The following CFAP47 variants were observed in gnomAD, a reference collection of about 807,000 sequenced individuals.
CFAP47 encodes the protein cilia- and flagella-associated protein 47.
Under a neutral mutation model 148.1 loss-of-function variants are expected in CFAP47, and 29 were observed. The ratio of observed to expected loss-of-function variants is 0.20; its 90% confidence interval spans 0.15 to 0.27. CFAP47 has a LOEUF of 0.27. Ranked by LOEUF, CFAP47 falls within the 10% of genes least tolerant of loss-of-function variation. CFAP47 has a pLI of 1.00. For missense variants in CFAP47, 1,872 were observed against 1,697.5 expected (o/e 1.10, Z -1.81); for synonymous variants, 664 against 577.3 (o/e 1.15, Z -2.15).
intron 49 of CFAP47, among the ~76,000 whole-genome samples, chrX:36,279,034 C>T (rs1941049573): frequency 9.0e-6 from 1 of 111,674 alleles, no homozygotes; most frequent in Non-Finnish European, 1.9e-5. Flanking sequence ...CTCACCTCCC[C>T]CCAGAAACAA....
At chrX:35,932,383 C>T (rs1308252492) in intron 2 of CFAP47, among the ~76,000 whole-genome samples, 1 of 106,740 alleles carries the variant, frequency 9.4e-6, no homozygotes, top group Admixed American at 1.0e-4. Flanking sequence ...CCTCAGCCTC[C>T]TGAGTAGCTG....
intron 30 of CFAP47, among the ~76,000 whole-genome samples, chrX:36,092,179 T>A (rs1229061640): frequency 4.5e-5 from 5 of 111,579 alleles, no homozygotes; most frequent in African/African-American, 1.6e-4. Context: ...ATGTATTAAA[T>A]GATATAAATA....
intron 57 of CFAP47, among the ~76,000 whole-genome samples, chrX:36,327,327 A>G (rs1556013258): frequency 8.9e-6 from 1 of 112,551 alleles, no homozygotes; most frequent in Admixed American, 9.4e-5. Flanking sequence ...ACACTTTTCA[A>G]AAGAAGATGT....
chrX:35,977,657 C>T (rs1936589640), intron 15 of CFAP47, among the ~76,000 whole-genome samples: 1 of 111,418 alleles, frequency 9.0e-6, no homozygotes, highest in African/African-American at 3.3e-5. Flanking sequence ...TACTATACTT[C>T]ATATTTCAGA....
intron 25 of CFAP47, among the ~76,000 whole-genome samples, chrX:36,041,996 C>A (rs894014212): frequency 9.2e-6 from 1 of 108,675 alleles, no homozygotes; most frequent in African/African-American, 3.3e-5. Flanking sequence ...TGTTTGTATT[C>A]CAGTATTTCA....
chrX:35,927,585 G>T (rs1271948557), intron 2 of CFAP47, among the ~76,000 whole-genome samples: 1 of 109,278 alleles, frequency 9.2e-6, no homozygotes, highest in Non-Finnish European at 1.9e-5. Context: ...TGATGGACAG[G>T]GTTGAAGGAA....
At chrX:36,153,102 A>T in intron 37 of CFAP47, among the ~76,000 whole-genome samples, 2 of 111,592 alleles carry the variant, frequency 1.8e-5, no homozygotes, top group Middle Eastern at 9.2e-3. Flanking sequence ...TATGGGTGAG[A>T]TTCAAGGTAT....
intron 3 of CFAP47, among the ~76,000 whole-genome samples, chrX:35,944,832 C>T (rs1267870523): frequency 1.8e-5 from 2 of 111,937 alleles, no homozygotes; most frequent in African/African-American, 6.5e-5. Context: ...GACCCCTCAT[C>T]GCAGCTGTAG....
chrX:36,023,057 T>C (rs755142905), intron 22 of CFAP47, among the ~76,000 whole-genome samples: 6 of 111,941 alleles, frequency 5.4e-5, no homozygotes, highest in African/African-American at 1.6e-4. Flanking sequence ...TCAAGAGTTA[T>C]GTAGTTATTG....
At position 36,071,862 on chromosome X, in the gene CFAP47, T is replaced by C; in HGVS notation, c.4356T>C (p.Val1452=). ...ATCTTAAGAAGACTAGAGATGGTGT[T>C]TTGCCTCCCTACCAGGATGCTAAAC... ...DEYLKKTRDG[V]LPPYQDAKPP... Residue 1452 remains valine, a synonymous_variant, in exon 28 of 64, where the codon GTT becomes GTC. Transcript: ENST00000378653. 8.3e-7 allele frequency: 1 copy of C among 1,206,172 alleles called. No individual in the cohort carries two copies. Among genetic ancestry groups the C allele is most frequent in the East Asian group, 3.0e-5 (1 of 33,716 alleles).
At chrX:36,326,821 T>A (rs1356801518) in intron 57 of CFAP47, among the ~76,000 whole-genome samples, 2 of 111,147 alleles carry the variant, frequency 1.8e-5, no homozygotes, top group African/African-American at 6.6e-5. Flanking sequence ...AGCATAAAAC[T>A]TGGGAAAATT....
intron 62 of CFAP47, chrX:36,374,957 G>A (rs2147002955): frequency 1.9e-6 from 1 of 519,005 alleles, no homozygotes; most frequent in African/African-American, 2.3e-5. Flanking sequence ...TCAAATCTGG[G>A]CTGATCACTC....
At chrX:36,142,910 A>G (rs1263800523) in intron 35 of CFAP47, among the ~76,000 whole-genome samples, 1 of 109,241 alleles carries the variant, frequency 9.2e-6, no homozygotes, top group African/African-American at 3.3e-5. Context: ...CCCTCTTCGG[A>G]TCATACCCTA....
intron 45 of CFAP47, among the ~76,000 whole-genome samples, chrX:36,216,337 T>G (rs1940158746): frequency 8.9e-6 from 1 of 111,813 alleles, no homozygotes; most frequent in Admixed American, 9.5e-5. Context: ...GTTGACATGT[T>G]CCATCCCAGG....
intron 61 of CFAP47, among the ~76,000 whole-genome samples, chrX:36,362,626 A>C (rs1401400205): frequency 1.8e-5 from 2 of 112,245 alleles, no homozygotes; most frequent in Non-Finnish European, 3.8e-5. Flanking sequence ...ATTGTGAATA[A>C]TGTGACAATG....
chrX:36,159,836 G>A (rs1396784969), intron 38 of CFAP47, among the ~76,000 whole-genome samples: 1 of 111,769 alleles, frequency 8.9e-6, no homozygotes, highest in East Asian at 2.8e-4. Context: ...TGTGTGTCCT[G>A]TAGATCAAAT....
At chrX:36,199,690 A>G (rs935705046) in intron 42 of CFAP47, among the ~76,000 whole-genome samples, 16 of 111,680 alleles carry the variant, frequency 1.4e-4, no homozygotes, top group Non-Finnish European at 2.1e-4. Flanking sequence ...TGTTTGAACT[A>G]TAGAGTATGA....
At chrX:35,962,925 T>TGG (rs1218938514) in intron 8 of CFAP47, among the ~76,000 whole-genome samples, 2 of 90,534 alleles carry the variant, frequency 2.2e-5, no homozygotes, top group Non-Finnish European at 4.2e-5. Flanking sequence ...AAATAAAATG[T>TGG]GGTGTGTGTG....
chrX:36,142,835 C>T (rs1569271668), intron 35 of CFAP47, among the ~76,000 whole-genome samples: 1 of 110,000 alleles, frequency 9.1e-6, no homozygotes, highest in Non-Finnish European at 1.9e-5. Flanking sequence ...GACTTGAGCC[C>T]AGAGTGTTCT....
Sources: gnomAD v4.1 joint callset for allele counts (sites outside exome capture counted in the v4.1 genomes callset) on GRCh38, gnomAD v4.1.1 for gene constraint, MANE v1.5 for transcripts, NCBI Gene and HGNC (gene_info 2026-07-23, HGNC 2026-07-21) for gene names.